Variants in ART3 observed in about 807,000 individuals in gnomAD.
ART3 encodes the protein ecto-ADP-ribosyltransferase 3.
ART3 carries 49 observed loss-of-function variants against 48.5 expected under a neutral mutation model. The observed-to-expected ratio is 1.01, with a 90% CI of 0.80 to 1.28. The LOEUF (loss-of-function observed/expected upper bound fraction) is 1.28. ART3 is among the 50% of genes most tolerant of loss of function. The probability of loss-of-function intolerance (pLI) is 0.00; values close to 1 mark genes in which losing one functional copy is unlikely to be tolerated. For missense variants in ART3, 438 were observed against 454.3 expected (o/e 0.96, Z 0.33); for synonymous variants, 145 against 157.2 (o/e 0.92, Z 0.58).
At chr4:76,031,163 C>A (rs1228357894) in intron 1 of ART3, among the ~76,000 whole-genome samples, 2 of 152,106 alleles carry the variant, frequency 1.3e-5, no homozygotes, top group African/African-American at 2.4e-5. Flanking sequence ...TAACTTCAAT[C>A]CCTCTGATTA....
At chr4:76,090,063 A>G (rs1724530581) in intron 3 of ART3, among the ~76,000 whole-genome samples, 1 of 152,136 alleles carries the variant, frequency 6.6e-6, no homozygotes, top group South Asian at 2.1e-4. Context: ...CTGGGTGACA[A>G]GAGTGAAACT....
In ART3 at chr4:76,022,352, A is replaced by T. The variant is rs371479176; in HGVS notation, c.-10+11032A>T. 2.9e-5 allele frequency: 46 copies of T among 1,608,418 alleles called. No individual in the cohort carries two copies. The African/African-American group carries it at 5.3e-4, about 19-fold the overall frequency. On this transcript the variant is annotated intron_variant, in intron 1 of 9. Coordinates refer to the ART3 transcript ENST00000341029. ...CCTAAAGAGCAATTCTTCTGCAGGC[A>T]ACAGCAAACCTACCTTTCCTTGCTA...
At chr4:76,043,284 C>A (rs1313211074) in intron 1 of ART3, among the ~76,000 whole-genome samples, 3 of 152,040 alleles carry the variant, frequency 2.0e-5, no homozygotes, top group Non-Finnish European at 4.4e-5. Flanking sequence ...AGTCCCGGTG[C>A]TGTGTGCCCA....
intron 1 of ART3, among the ~76,000 whole-genome samples, chr4:76,058,937 T>C (rs1436020530): frequency 1.3e-5 from 2 of 152,126 alleles, no homozygotes; most frequent in African/African-American, 4.8e-5. Flanking sequence ...GAAAGTGACG[T>C]AGAGAAAATG....
At chr4:76,100,413 A>G (rs1727020449) in intron 6 of ART3, 93 bp downstream of exon 6, 6 of 1,281,200 alleles carry the variant, frequency 4.7e-6, no homozygotes, top group South Asian at 1.2e-5. Context: ...CGGGAGGATC[A>G]TGAGGTCAGG....
Position 76,112,747 on chromosome 4 carries a change from G to C in ART3, c.*228G>C, listed in dbSNP as rs1465659014. 3.8e-4 allele frequency: 151 copies of C among 394,644 alleles called. No individual in the cohort carries two copies. The highest frequency in any genetic ancestry group is 1.5e-4 in the Non-Finnish European group (34 of 226,180). The allele number at this position is 394,644 out of a possible 1,614,324, so 24.4% of individuals were successfully genotyped here. On this transcript the variant is annotated 3_prime_UTR_variant, in exon 12 of 12. Coordinates refer to ENST00000355810, the MANE Select transcript of ART3 (RefSeq NM_001130016.3). Reference sequence around the variant, plus strand: ...ACAATGGAAAAAAATCCCGAAAACTGTATACTTCTGATTAAATTCAATAAA... The same window carrying C: ...ACAATGGAAAAAAATCCCGAAAACTCTATACTTCTGATTAAATTCAATAAA...
intron 1 of ART3, chr4:76,036,129 A>G (rs1734380492): frequency 1.5e-6 from 1 of 662,734 alleles, no homozygotes; most frequent in Non-Finnish European, 2.6e-6. Context: ...CAATCCTTTT[A>G]TGGCACAGGA....
chr4:76,044,738 T>C (rs1386740991), intron 1 of ART3, among the ~76,000 whole-genome samples: 1 of 152,008 alleles, frequency 6.6e-6, no homozygotes, highest in African/African-American at 2.4e-5. Flanking sequence ...TGTCTCTTTC[T>C]CTGACTTTCT....
At chr4:76,094,806 CTGTT>C (rs751697097) in intron 3 of ART3, among the ~76,000 whole-genome samples, 1 of 152,198 alleles carries the variant, frequency 6.6e-6, no homozygotes. Context: ...CTGGAGTTCT[CTGTT>C]TGTGCCACTC....
upstream of ART3, among the ~76,000 whole-genome samples, chr4:76,072,801 G>T (rs1720458478): frequency 6.6e-6 from 1 of 151,942 alleles, no homozygotes; most frequent in African/African-American, 2.4e-5. Flanking sequence ...ATATTGGCCT[G>T]CTTACTATTC....
At chr4:76,103,456 G>T (rs1007496843) in intron 8 of ART3, among the ~76,000 whole-genome samples, 1 of 151,854 alleles carries the variant, frequency 6.6e-6, no homozygotes. Flanking sequence ...ACCTTTTTTC[G>T]CTCCGTGCAG....
At chr4:76,071,907 A>T (rs1274143638), upstream of ART3, among the ~76,000 whole-genome samples, 1 of 151,008 alleles carries the variant, frequency 6.6e-6, no homozygotes, top group Non-Finnish European at 1.5e-5. Flanking sequence ...AAGTCTAAAC[A>T]TTTTTTTTTG....
At chr4:76,076,905 C>G (rs938380880) in intron 2 of ART3, among the ~76,000 whole-genome samples, 9 of 151,860 alleles carry the variant, frequency 5.9e-5, no homozygotes, top group African/African-American at 2.2e-4. Flanking sequence ...ATTTTAGATG[C>G]CTTTTTAAAA....
intron 1 of ART3, among the ~76,000 whole-genome samples, chr4:76,035,768 T>G (rs547810144): frequency 2.8e-4 from 42 of 152,356 alleles, no homozygotes; most frequent in Admixed American, 2.6e-3. Context: ...CTCTAGTATC[T>G]TAAACATGTC....
chr4:76,106,463 T>C (rs2149707686), intron 10 of ART3: 4 of 597,390 alleles, frequency 6.7e-6, no homozygotes, highest in South Asian at 7.4e-5. Context: ...AGGCCCACTT[T>C]TTTACAGACT....
At chr4:76,051,430 C>A (rs911018872) in intron 1 of ART3, among the ~76,000 whole-genome samples, 1 of 152,020 alleles carries the variant, frequency 6.6e-6, no homozygotes, top group Non-Finnish European at 1.5e-5. Flanking sequence ...GGGTAAGGCT[C>A]TATTTTTTTC....
Position 76,019,306 on chromosome 4 carries a change from T to C in ART3, c.-10+7986T>C, listed in dbSNP as rs2149364203. ...GGGAGAGCTAATGGTTAGATTTTCA[T>C]GAATTATGTGAGTTAGTTTTAAAAT... On this transcript the variant is annotated intron_variant, in intron 1 of 9. Transcript: ENST00000341029. 2.0e-5 allele frequency among the ~76,000 whole-genome samples: 3 copies of C among 151,428 alleles called. No homozygotes were observed. In the South Asian group the frequency reaches 6.3e-4, roughly 32 times the overall value.
intron 1 of ART3, among the ~76,000 whole-genome samples, chr4:76,030,612 C>T (rs1025054230): frequency 2.0e-5 from 3 of 152,174 alleles, no homozygotes; most frequent in African/African-American, 4.8e-5. Flanking sequence ...CCCAGAAACT[C>T]CATACTCATT....
chr4:76,097,532 A>T, intron 3 of ART3, 112 bp from the exon 4 acceptor site: 1 of 871,018 alleles, frequency 1.1e-6, no homozygotes, highest in East Asian at 2.5e-5. Context: ...ACTAATTATG[A>T]GTCTGATAAA....
Sources: allele counts gnomAD v4.1 joint callset (sites outside exome capture counted in the v4.1 genomes callset), GRCh38; gene constraint gnomAD v4.1.1; transcripts MANE v1.5; gene names NCBI Gene and HGNC (gene_info 2026-07-23, HGNC 2026-07-21).